MYZAP: variants seen among roughly 807,000 people sequenced by gnomAD.
MYZAP encodes the protein myocardial zonula adherens protein.
MYZAP carries 66 observed loss-of-function variants against 69.4 expected under a neutral mutation model. That is an observed-to-expected ratio of 0.95 (90% CI 0.78 to 1.17). The LOEUF is 1.17. Among genes scored for constraint, MYZAP ranks in the 50% most tolerant of loss-of-function variants. The probability of loss-of-function intolerance (pLI) is 0.00; values close to 1 mark genes in which losing one functional copy is unlikely to be tolerated. For missense variants in MYZAP, 611 were observed against 556.2 expected, an observed-to-expected ratio of 1.10 and a Z score of -0.99; for synonymous variants, 256 against 205.9, an observed-to-expected ratio of 1.24 and a Z score of -2.09.
chr15:57,644,035 C>G (rs2037312304), intron 10 of MYZAP, among the ~76,000 whole-genome samples: 2 of 152,224 alleles, frequency 1.3e-5, no homozygotes, highest in South Asian at 2.1e-4. Flanking sequence ...ATTGGAATCA[C>G]CTGGGGAGCT....
rs115598226 is a variant in MYZAP, at chr15:57,635,265, T to C, written c.933+1524T>C. ...TTTTGTGAGCAATAAATGAGAAAAA[T>C]CCACGCCAAGTGCTAAGCATGGTTC... On this transcript the variant is annotated intron_variant, in intron 8 of 12. Coordinates refer to ENST00000267853, the MANE Select transcript of MYZAP (RefSeq NM_001018100.5). Among the ~76,000 whole-genome samples the C allele has an allele frequency of 7.9e-3, 1,204 of 152,276 alleles. 20 individuals are homozygous for C. Among genetic ancestry groups the C allele is most frequent in the African/African-American group, 0.027 (1,139 of 41,548 alleles).
chr15:57,632,560 G>C lies in MYZAP; in HGVS notation c.804+1G>C, dbSNP rs755998746. 2 of 1,613,896 alleles carry C rather than the reference G, an allele frequency of 1.2e-6. No homozygotes were observed. Among genetic ancestry groups the C allele is most frequent in the Admixed American group, 1.7e-5 (1 of 60,004 alleles). On this transcript the variant is annotated splice_donor_variant, in intron 7 of 12. Coordinates refer to ENST00000267853, the MANE Select transcript of MYZAP (RefSeq NM_001018100.5). LOFTEE classifies it high-confidence loss of function. The stretch of plus-strand genomic sequence containing the variant: ...CAGTGCTGAGAAGGAGGCTCTTTTG[G>C]TGTGTGTGTTGTAGCTGCCGATGTA...
intron 12 of MYZAP, among the ~76,000 whole-genome samples, chr15:57,679,508 A>G (rs931725937): frequency 1.3e-5 from 2 of 151,974 alleles, no homozygotes; most frequent in Non-Finnish European, 2.9e-5. Flanking sequence ...TAGGCACTCA[A>G]TATTTGTTGA....
At chr15:57,625,932 T>G (rs765236325) in intron 5 of MYZAP, 40 bp downstream of exon 5, 3 of 1,562,248 alleles carry the variant, frequency 1.9e-6, no homozygotes, top group African/African-American at 1.4e-5. Flanking sequence ...CAACCCAGCT[T>G]AATCAAGAGT....
intron 11 of MYZAP, among the ~76,000 whole-genome samples, chr15:57,670,897 C>T (rs1346042390): frequency 2.6e-5 from 4 of 151,680 alleles, no homozygotes; most frequent in South Asian, 2.1e-4. Flanking sequence ...GTTCATTTAC[C>T]GCTGTGCCTG....
At chr15:57,640,560 AAAT>A (rs573015387) in intron 10 of MYZAP, among the ~76,000 whole-genome samples, 20 of 152,262 alleles carry the variant, frequency 1.3e-4, no homozygotes, top group Non-Finnish European at 2.6e-4. Flanking sequence ...TACTTCTAAG[AAAT>A]AATTCATGTA....
At chr15:57,678,041 C>CAAAAAAAAAAAAAAAAAAAAAAAA (rs56102709) in intron 12 of MYZAP, among the ~76,000 whole-genome samples, 3 of 116,272 alleles carry the variant, frequency 2.6e-5, no homozygotes, top group African/African-American at 1.1e-4. Context: ...TTATCTCTAC[C>CAAAAAAAAAAAAAAAAAAAAAAAA]AAAAAAAAAA....
chr15:57,678,555 G>A (rs1364515833), intron 12 of MYZAP, among the ~76,000 whole-genome samples: 1 of 152,036 alleles, frequency 6.6e-6, no homozygotes, highest in African/African-American at 2.4e-5. Flanking sequence ...TTTATTGGTG[G>A]TAATCATTGA....
chr15:57,658,695 A>G (rs755858872), intron 10 of MYZAP, among the ~76,000 whole-genome samples: 1 of 152,154 alleles, frequency 6.6e-6, no homozygotes, highest in Non-Finnish European at 1.5e-5. Context: ...ATCGTGTATC[A>G]CTTCTGGGGT....
At chr15:57,678,330 C>G (rs932762258) in intron 12 of MYZAP, among the ~76,000 whole-genome samples, 1 of 152,080 alleles carries the variant, frequency 6.6e-6, no homozygotes, top group African/African-American at 2.4e-5. Context: ...CCCCTGCACT[C>G]CAGCCTGGGC....
chr15:57,621,773 C>G (rs1046678553), intron 4 of MYZAP, 73 bp downstream of exon 4: 214 of 1,412,510 alleles, frequency 1.5e-4, no homozygotes, highest in Middle Eastern at 1.1e-3. Flanking sequence ...GTGGCTAGTG[C>G]CTAAAGATAT....
chr15:57,652,024 C>T (rs1288784803), intron 10 of MYZAP, among the ~76,000 whole-genome samples: 1 of 152,118 alleles, frequency 6.6e-6, no homozygotes, highest in Non-Finnish European at 1.5e-5. Context: ...TTATATATTA[C>T]TTCAAACTTA....
At chr15:57,606,239 A>G (rs1331914335) in intron 2 of MYZAP, among the ~76,000 whole-genome samples, 1 of 152,198 alleles carries the variant, frequency 6.6e-6, no homozygotes. Flanking sequence ...AACTTCACCA[A>G]TAGTGGAACG....
At chr15:57,610,907 G>A (rs1189217295) in intron 2 of MYZAP, among the ~76,000 whole-genome samples, 1 of 152,104 alleles carries the variant, frequency 6.6e-6, no homozygotes, top group Non-Finnish European at 1.5e-5. Flanking sequence ...GAGAAACCAA[G>A]GCCACTTTGG....
rs559765588 is a variant in MYZAP at position 57,628,504 on chromosome 15, C to T, written c.526-1198C>T. ...CCAGGCTCAGGTGCTCCTCCCACCT[C>T]AGCCTCCCAAAGTGCTGGGATTACA... On this transcript the variant is annotated intron_variant, in intron 5 of 12. Coordinates refer to ENST00000267853, the MANE Select transcript of MYZAP (RefSeq NM_001018100.5). Among the ~76,000 whole-genome samples the T allele has an allele frequency of 3.3e-5, 5 of 152,142 alleles. No individual in the cohort carries two copies. The East Asian group carries it at 7.8e-4, about 24-fold the overall frequency.
chr15:57,592,703 G>A (rs1037634036), intron 1 of MYZAP, among the ~76,000 whole-genome samples: 17 of 152,142 alleles, frequency 1.1e-4, no homozygotes, highest in African/African-American at 4.1e-4. Flanking sequence ...CTGAAAGCTT[G>A]GGACAGCATC....
chr15:57,677,088 G>T (rs1357950527), intron 12 of MYZAP, among the ~76,000 whole-genome samples: 3 of 152,208 alleles, frequency 2.0e-5, no homozygotes, highest in African/African-American at 7.2e-5. Context: ...GTGGGGAGGA[G>T]CCCAGAATCT....
At chr15:57,617,732 T>C (rs752484437) in intron 2 of MYZAP, among the ~76,000 whole-genome samples, 2 of 152,198 alleles carry the variant, frequency 1.3e-5, no homozygotes, top group Non-Finnish European at 1.5e-5. Flanking sequence ...TGCTTGCTCT[T>C]CTTACTAGGA....
At chr15:57,666,083 T>C (rs1228384415) in intron 11 of MYZAP, among the ~76,000 whole-genome samples, 1 of 152,202 alleles carries the variant, frequency 6.6e-6, no homozygotes, top group Non-Finnish European at 1.5e-5. Flanking sequence ...TGGACAAATG[T>C]TAATTCTTTC....
Sources: allele counts gnomAD v4.1 joint callset (sites outside exome capture counted in the v4.1 genomes callset), GRCh38; gene constraint gnomAD v4.1.1; transcripts MANE v1.5; gene names NCBI Gene and HGNC (gene_info 2026-07-23, HGNC 2026-07-21).